Variants in HCN2 observed in about 807,000 individuals in gnomAD.
The protein encoded by HCN2 is hyperpolarization activated cyclic nucleotide gated potassium and sodium channel 2, also known as potassium/sodium hyperpolarization-activated cyclic nucleotide-gated channel 2.
In HCN2, 20 loss-of-function variants were observed where a neutral mutation model predicts 52.3. The observed-to-expected ratio is 0.38, with a 90% CI of 0.27 to 0.56. The LOEUF is 0.56. HCN2 is among the 20% of genes least tolerant of loss of function. The pLI is 0.71. For missense variants in HCN2, 981 were observed against 1,207.7 expected, an observed-to-expected ratio of 0.81 and a Z score of 2.78; for synonymous variants, 694 against 537.0, an observed-to-expected ratio of 1.29 and a Z score of -4.04.
chr19:615,748 C>G (rs754350653), intron 7 of HCN2, 47 bp from the exon 8 acceptor site: 1 of 1,582,980 alleles, frequency 6.3e-7, no homozygotes, highest in South Asian at 1.1e-5. Context: ...GCCCGCTGTA[C>G]GCAGCAGGCG....
In HCN2 at chr19:617,055, G is replaced by C; in HGVS notation, c.*581G>C. On this transcript the variant is annotated 3_prime_UTR_variant, in exon 8 of 8. Coordinates refer to ENST00000251287, the MANE Select transcript of HCN2 (RefSeq NM_001194.4). ...GAGGCTGGGGTCCCGCCGCCGTGAT[G>C]AATGTACTGACGAGCCGAGGCAGCA... is the stretch of plus-strand genomic sequence containing the variant. 1 of 565,398 alleles carries C rather than the reference G, an allele frequency of 1.8e-6. No homozygotes were observed. Among genetic ancestry groups the C allele is most frequent in the South Asian group, 2.0e-5 (1 of 51,016 alleles). The allele number at this position is 565,398 out of a possible 1,614,324, so 35.0% of individuals were successfully genotyped here. A position where few individuals can be genotyped will look rare whatever the true frequency, so the allele number is the denominator to read the frequency against.
intron 1 of HCN2, among the ~76,000 whole-genome samples, chr19:602,510 C>T (rs1448444987): frequency 6.6e-6 from 1 of 152,192 alleles, no homozygotes; most frequent in African/African-American, 2.4e-5. Context: ...GTGGAGGCTC[C>T]CGCTTCTCAG....
intron 4 of HCN2, 56 bp from the exon 5 acceptor site, chr19:610,203 T>C (rs1433624193): frequency 1.3e-6 from 2 of 1,557,670 alleles, no homozygotes; most frequent in African/African-American, 2.9e-5. Flanking sequence ...CAGGTGCCCC[T>C]GTGCCCGCTG....
At chr19:609,692 G>A in intron 4 of HCN2, among the ~76,000 whole-genome samples, 1 of 152,134 alleles carries the variant, frequency 6.6e-6, no homozygotes, top group African/African-American at 2.4e-5. Context: ...CTTGAGCCCA[G>A]GAGTTCAAGA....
rs1216364186 is a variant in HCN2, at chr19:602,912, C to T, written c.633-632C>T. ...CCTTCCTGGGGTGGGAGCCTGGTCC[C>T]GAGGGAGGAGTGCCCAGGGCTTGTC... On this transcript the variant is annotated intron_variant, in intron 1 of 7. Transcript: ENST00000251287. Among the ~76,000 whole-genome samples, 6 of 152,054 alleles carry T rather than the reference C, an allele frequency of 3.9e-5. No homozygotes were observed. In the East Asian group the frequency reaches 1.2e-3, roughly 29 times the overall value.
chr19:590,183 A>T lies in HCN2; in HGVS notation c.238A>T (p.Ser80Cys). ...GCGGGGCCGGCTCCGCAGCCGCGAC[A>T]GCTCGTGCGGCCGCCCCGGCACCCC... ...GPRGRLRSRD[S>C]SCGRPGTPGA... Residue 80 changes from serine to cysteine, a missense_variant, in exon 1 of 8, where the codon AGC becomes TGC. This residue lies in a region of HCN2 where 215 missense variants were observed against 179.4 expected (regional missense o/e 1.20). Coordinates refer to ENST00000251287, the MANE Select transcript of HCN2 (RefSeq NM_001194.4). The surrounding 1 kb of genome is among the most constrained non-coding windows in gnomAD (Gnocchi z 7.2). 1 of 979,548 alleles carries T rather than the reference A, an allele frequency of 1.0e-6. No homozygotes were observed. The highest frequency in any genetic ancestry group is 1.2e-6 in the Non-Finnish European group (1 of 828,762). 60.7% of individuals were successfully genotyped at this position (979,548 alleles called of 1,614,324 possible).
intron 4 of HCN2, among the ~76,000 whole-genome samples, chr19:609,236 G>A (rs1045964952): frequency 3.3e-5 from 5 of 152,236 alleles, no homozygotes; most frequent in Admixed American, 6.5e-5. Flanking sequence ...TGGGGCGGAA[G>A]TGAGGCTGGA....
Position 591,895 on chromosome 19 carries a change from G to A in HCN2, c.632+1318G>A, listed in dbSNP as rs1185255928. 6.6e-6 allele frequency among the ~76,000 whole-genome samples: 1 copy of A among 152,198 alleles called. No individual in the cohort carries two copies. The highest frequency in any genetic ancestry group is 1.5e-5 in the Non-Finnish European group (1 of 68,028). On this transcript the variant is annotated intron_variant, in intron 1 of 7. Coordinates refer to ENST00000251287, the MANE Select transcript of HCN2 (RefSeq NM_001194.4). This position sits in a 1 kb window ranked among gnomAD's most constrained non-coding sequence, Gnocchi z 4.1. ...CATGCGTCCTGGACAGAGCCTGGAG[G>A]AAGGCCCTGGAATCCTCCTCCCACC... is the stretch of plus-strand genomic sequence containing the variant.
At chr19:599,171 C>T (rs554643943) in intron 1 of HCN2, among the ~76,000 whole-genome samples, 38 of 152,238 alleles carry the variant, frequency 2.5e-4, no homozygotes, top group Non-Finnish European at 4.1e-4. Context: ...CATTTTGGTA[C>T]AAATGGCTTT....
At chr19:600,916 C>G (rs1321943933) in intron 1 of HCN2, among the ~76,000 whole-genome samples, 2 of 152,208 alleles carry the variant, frequency 1.3e-5, no homozygotes, top group African/African-American at 4.8e-5. Flanking sequence ...CGGACAGAAA[C>G]CGCACCCCGC....
chr19:614,618 C>T (rs1199475517), intron 7 of HCN2, among the ~76,000 whole-genome samples: 1 of 152,100 alleles, frequency 6.6e-6, no homozygotes, highest in African/African-American at 2.4e-5. Context: ...GTCCAGAGAG[C>T]CAGGGAGGCC....
At position 590,793 on chromosome 19, in the gene HCN2, G is replaced by A; in HGVS notation, c.632+216G>A. On this transcript the variant is annotated intron_variant, in intron 1 of 7. Transcript: ENST00000251287. The surrounding 1 kb of genome is among the most constrained non-coding windows in gnomAD (Gnocchi z 7.2). ...GGGGCTCCCCGGGTGACCGCGGAGC[G>A]CCCCCCTCCCACGCACCCCGACATC... The A allele has an allele frequency of 3.3e-6, 1 of 298,656 alleles. No homozygotes were observed. The highest frequency in any genetic ancestry group is 6.1e-6 in the Non-Finnish European group (1 of 163,028). The allele number at this position is 298,656 out of a possible 1,614,324, so 18.5% of individuals were successfully genotyped here.
In HCN2 at chr19:608,162, C is replaced by T. The variant is rs2144522788; in HGVS notation, c.1417C>T (p.Arg473Trp). 1 of 1,612,884 alleles carries T rather than the reference C, an allele frequency of 6.2e-7. No individual in the cohort carries two copies. The highest frequency in any genetic ancestry group is 8.5e-7 in the Non-Finnish European group (1 of 1,179,958). Reference sequence around the variant, plus strand: ...CCTCATCCAGTCGCTGGACTCCTCGCGGCGCCAGTACCAGGAGAAGGTCTG... The same window carrying T: ...CCTCATCCAGTCGCTGGACTCCTCGTGGCGCCAGTACCAGGAGAAGGTCTG... ...TALIQSLDSS[R>W]RQYQEKYKQV... Residue 473 changes from arginine to tryptophan, a missense_variant, in exon 4 of 8, where the codon CGG becomes TGG. Physicochemically the swap from Arg to Trp is moderately radical, Grantham distance 101. Around this residue, in one of 6 missense-constraint regions of HCN2, gnomAD observed 282 missense variants for 553.8 expected, o/e 0.51. Coordinates refer to ENST00000251287, the MANE Select transcript of HCN2 (RefSeq NM_001194.4).
intron 1 of HCN2, among the ~76,000 whole-genome samples, chr19:595,350 C>T (rs951155573): frequency 6.6e-6 from 1 of 151,810 alleles, no homozygotes; most frequent in Non-Finnish European, 1.5e-5. Context: ...CAGATGCCTC[C>T]CCGTCCCCCT....
intron 1 of HCN2, among the ~76,000 whole-genome samples, chr19:599,121 C>G (rs1039770353): frequency 6.6e-6 from 1 of 152,266 alleles, no homozygotes; most frequent in African/African-American, 2.4e-5. Flanking sequence ...TCGCTGGGTC[C>G]CTTCCAGCGT....
intron 7 of HCN2, among the ~76,000 whole-genome samples, chr19:614,884 C>G (rs1489210956): frequency 6.6e-6 from 1 of 152,082 alleles, no homozygotes; most frequent in Non-Finnish European, 1.5e-5. Flanking sequence ...GATGGCGGCT[C>G]ATGCTGCTGT....
Position 603,943 on chromosome 19 carries a change from C to A in HCN2, c.1032C>A (p.Ile344=), listed in dbSNP as rs757350744. ...LLRLLRLSRL[I]RYIHQWEEIF... Reference sequence around the variant, plus strand: ...GGCTGCTGCGCCTCTCACGCCTGATCCGCTACATCCATCAGTGGGAGGAGG... The same window carrying A: ...GGCTGCTGCGCCTCTCACGCCTGATACGCTACATCCATCAGTGGGAGGAGG... Residue 344 remains isoleucine (I), a synonymous_variant, in exon 2 of 8, where the codon ATC becomes ATA. Coordinates refer to ENST00000251287, the MANE Select transcript of HCN2 (RefSeq NM_001194.4). 4 of 1,607,584 alleles carry A rather than the reference C, an allele frequency of 2.5e-6. No individual in the cohort carries two copies. Among genetic ancestry groups the A allele is most frequent in the African/African-American group, 2.7e-5 (2 of 74,842 alleles).
rs1324013217 is a variant in HCN2 at position 613,330 on chromosome 19, T to C, written c.1667T>C (p.Met556Thr). 8 of 1,612,926 alleles carry C rather than the reference T, an allele frequency of 5.0e-6. No individual in the cohort carries two copies. The highest frequency in any genetic ancestry group is 6.8e-6 in the Non-Finnish European group (8 of 1,179,922). Residue 556 changes from methionine (M) to threonine (T), a missense_variant, in exon 6 of 8, where the codon ATG (methionine) becomes ACG (threonine). Met to Thr is a moderately conservative substitution (Grantham distance 81, BLOSUM62 -1). Around this residue, in one of 6 missense-constraint regions of HCN2, gnomAD observed 282 missense variants for 553.8 expected, o/e 0.51. Transcript: ENST00000251287. ...GCCGACCCCAACTTCGTCACGGCCA[T>C]GCTGACCAAGCTCAAGTTCGAGGTC... Reference protein sequence around the residue: ...ANADPNFVTAMLTKLKFEVFQ... With the variant: ...ANADPNFVTATLTKLKFEVFQ...
chr19:605,732 C>T (rs1600528033), intron 3 of HCN2, among the ~76,000 whole-genome samples: 1 of 115,952 alleles, frequency 8.6e-6, no homozygotes, highest in Non-Finnish European at 1.8e-5. Flanking sequence ...GGGGAGGACT[C>T]GGGCCCTTAC....
Sources: gnomAD v4.1 joint callset for allele counts (sites outside exome capture counted in the v4.1 genomes callset) on GRCh38, gnomAD v4.1.1 for gene constraint, gnomAD v4.1.1 regional missense constraint, Gnocchi (gnomAD v3.1) non-coding constraint, MANE v1.5 for transcripts, NCBI Gene and HGNC (gene_info 2026-07-23, HGNC 2026-07-21) for gene names.